Variants in TAFA1 observed in about 807,000 individuals in gnomAD.
TAFA1 encodes TAFA chemokine like family member 1, also known as chemokine-like protein TAFA-1.
In TAFA1, 4 loss-of-function variants were observed where a neutral mutation model predicts 18.5. That is an observed-to-expected ratio of 0.22 (90% CI 0.11 to 0.49). TAFA1 has a LOEUF of 0.49. TAFA1 is among the 20% of genes least tolerant of loss of function. The probability of loss-of-function intolerance (pLI) is 0.98; values close to 1 mark genes in which losing one functional copy is unlikely to be tolerated. For missense variants in TAFA1, 147 were observed against 169.0 expected, an observed-to-expected ratio of 0.87 and a Z score of 0.72; for synonymous variants, 56 against 55.2, an observed-to-expected ratio of 1.01 and a Z score of -0.06.
intron 2 of TAFA1, among the ~76,000 whole-genome samples, chr3:68,411,902 T>C (rs953744075): frequency 6.6e-6 from 1 of 152,072 alleles, no homozygotes; most frequent in Non-Finnish European, 1.5e-5. Flanking sequence ...ACTTTGGGAA[T>C]GAGATTTGGG....
At chr3:67,999,878 T>G (rs1704265965), upstream of TAFA1, among the ~76,000 whole-genome samples, 1 of 151,694 alleles carries the variant, frequency 6.6e-6, no homozygotes, top group Admixed American at 6.6e-5. Context: ...AACCTCTGCC[T>G]CTGGGGTTCA....
At chr3:68,204,489 T>C (rs900539000) in intron 2 of TAFA1, among the ~76,000 whole-genome samples, 3 of 144,676 alleles carry the variant, frequency 2.1e-5, no homozygotes, top group African/African-American at 5.0e-5. Flanking sequence ...TGCTCAGCTG[T>C]GGACCAACAG....
intron 2 of TAFA1, among the ~76,000 whole-genome samples, chr3:68,389,094 C>A (rs985078624): frequency 2.0e-5 from 3 of 152,144 alleles, no homozygotes; most frequent in Admixed American, 6.5e-5. Context: ...AAGGAGAGTT[C>A]TGTATTTTTG....
intron 3 of TAFA1, among the ~76,000 whole-genome samples, 193 bp from the exon 4 acceptor site, chr3:68,538,563 A>T (rs1378624239): frequency 6.6e-6 from 1 of 152,220 alleles, no homozygotes; most frequent in Non-Finnish European, 1.5e-5. Flanking sequence ...ACCAGTCCAC[A>T]TAATTATATT....
Position 68,363,221 on chromosome 3 carries a change from AGAG to A in TAFA1, c.119-54058_119-54056del, listed in dbSNP as rs553566674. ...GTGTTCAACATTTGTTAATTTGGGA[AGAG>A]TGAGAAGGTAGAAATATTCGAGCTG... On this transcript the variant is annotated intron_variant, in intron 2 of 4. Coordinates refer to ENST00000478136, the MANE Select transcript of TAFA1 (RefSeq NM_213609.4). 8.5e-5 allele frequency among the ~76,000 whole-genome samples: 13 copies of A among 152,184 alleles called. No homozygotes were observed. The South Asian group carries it at 2.7e-3, about 32-fold the overall frequency.
chr3:68,031,660 G>A (rs532348298), intron 2 of TAFA1, among the ~76,000 whole-genome samples: 2 of 152,198 alleles, frequency 1.3e-5, no homozygotes, highest in Admixed American at 6.5e-5. Context: ...TAGCAGAGTG[G>A]CCGGTAATTA....
At chr3:68,203,410 T>G (rs554121709) in intron 2 of TAFA1, among the ~76,000 whole-genome samples, 100 of 151,786 alleles carry the variant, frequency 6.6e-4, no homozygotes, top group Admixed American at 1.4e-3. Flanking sequence ...CATGTCTGTT[T>G]CTGATGCTTG....
rs1415905709 is a variant in TAFA1, at chr3:68,439,435, A to ATATATATC, written c.259+22022_259+22023insCTATATAT. On this transcript the variant is annotated intron_variant, in intron 3 of 4. Coordinates refer to ENST00000478136, the MANE Select transcript of TAFA1 (RefSeq NM_213609.4). ...TACATATATATATATATATATATATATATATATATGAGTTTATCAAGGAGT... is the reference window on the plus strand; with the variant it reads ...TACATATATATATATATATATATATATATATATCTATATATATGAGTTTATCAAGGAGT... 3.0e-4 allele frequency among the ~76,000 whole-genome samples: 41 copies of ATATATATC among 136,312 alleles called. 1 individual carries two copies. The highest frequency in any genetic ancestry group is 9.9e-4 in the African/African-American group (36 of 36,490). 89.4% of individuals were successfully genotyped at this position (136,312 alleles called of 152,430 possible).
chr3:68,179,831 T>C (rs1456766200), intron 2 of TAFA1, among the ~76,000 whole-genome samples: 1 of 152,046 alleles, frequency 6.6e-6, no homozygotes, highest in Non-Finnish European at 1.5e-5. Context: ...TGCATGCTCC[T>C]GAAATTTGGG....
rs548569739 is a variant in TAFA1 at position 68,462,613 on chromosome 3, T to G, written c.259+45193T>G. ...GATTCCAGATAAATTCTATAGAAAA[T>G]AAGATATTCTAGTTCCTTTTCATTA... is the stretch of plus-strand genomic sequence containing the variant. On this transcript the variant is annotated intron_variant, in intron 3 of 4. Transcript: ENST00000478136. Among the ~76,000 whole-genome samples, 5 of 152,314 alleles carry G rather than the reference T, an allele frequency of 3.3e-5. No individual in the cohort carries two copies. In the South Asian group the frequency reaches 1.0e-3, roughly 32 times the overall value.
chr3:68,147,952 A>G (rs1320469180), intron 2 of TAFA1, among the ~76,000 whole-genome samples: 2 of 152,224 alleles, frequency 1.3e-5, no homozygotes, highest in African/African-American at 2.4e-5. Flanking sequence ...TGTTGCCTCA[A>G]TTTCTGAGAA....
chr3:68,177,648 G>A (rs1248910745), intron 2 of TAFA1, among the ~76,000 whole-genome samples: 1 of 152,048 alleles, frequency 6.6e-6, no homozygotes, highest in Admixed American at 6.6e-5. Context: ...TTTCCACAAG[G>A]GCTTAACTAT....
chr3:68,462,263 C>T (rs2071798247), intron 3 of TAFA1, among the ~76,000 whole-genome samples: 2 of 152,222 alleles, frequency 1.3e-5, no homozygotes, highest in South Asian at 2.1e-4. Flanking sequence ...CAAATCTCAT[C>T]TTGTAGCTCC....
At chr3:68,149,851 G>A (rs556290058) in intron 2 of TAFA1, among the ~76,000 whole-genome samples, 14 of 152,304 alleles carry the variant, frequency 9.2e-5, no homozygotes, top group South Asian at 2.1e-4. Flanking sequence ...TAAAGGTTGT[G>A]TGCAAACTCT....
chr3:68,252,641 T>C (rs2067219828), intron 2 of TAFA1, among the ~76,000 whole-genome samples: 1 of 152,178 alleles, frequency 6.6e-6, no homozygotes, highest in Non-Finnish European at 1.5e-5. Flanking sequence ...TTAAGAATAG[T>C]GGCTATAAGT....
At chr3:68,027,953 T>G (rs937994160) in intron 2 of TAFA1, among the ~76,000 whole-genome samples, 4 of 152,182 alleles carry the variant, frequency 2.6e-5, no homozygotes, top group African/African-American at 9.7e-5. Context: ...TTCTTACATA[T>G]GTAACCTAAG....
intron 2 of TAFA1, among the ~76,000 whole-genome samples, chr3:68,012,689 A>G (rs1704495290): frequency 6.6e-6 from 1 of 152,178 alleles, no homozygotes; most frequent in African/African-American, 2.4e-5. Context: ...GCTTTTTATC[A>G]AAAAGCTTAA....
chr3:68,239,650 C>T (rs2066972381), intron 2 of TAFA1, among the ~76,000 whole-genome samples: 1 of 152,158 alleles, frequency 6.6e-6, no homozygotes. Context: ...TTAAGTAGTG[C>T]TTAGTTTAAC....
At chr3:68,507,584 T>A (rs954375775) in intron 3 of TAFA1, among the ~76,000 whole-genome samples, 1 of 152,124 alleles carries the variant, frequency 6.6e-6, no homozygotes, top group African/African-American at 2.4e-5. Context: ...TAAATGATTA[T>A]GGAGCTCACA....
Sources: allele counts gnomAD v4.1 joint callset (sites outside exome capture counted in the v4.1 genomes callset), GRCh38; gene constraint gnomAD v4.1.1; transcripts MANE v1.5; gene names NCBI Gene and HGNC (gene_info 2026-07-23, HGNC 2026-07-21).